SORCS3: variants seen among roughly 807,000 people sequenced by gnomAD.
SORCS3 encodes VPS10 domain-containing receptor SorCS3.
SORCS3 carries 57 observed loss-of-function variants against 146.3 expected under a neutral mutation model. The ratio of observed to expected loss-of-function variants is 0.39; its 90% CI spans 0.31 to 0.49. The LOEUF (loss-of-function observed/expected upper bound fraction) is 0.49. Among genes scored for constraint, SORCS3 ranks in the 20% least tolerant of loss-of-function variants. SORCS3 has a pLI of 0.92. For synonymous variants in SORCS3, 653 were observed against 618.5 expected, an observed-to-expected ratio of 1.06 and a Z score of -0.83; for missense variants, 1,341 against 1,575.5, an observed-to-expected ratio of 0.85 and a Z score of 2.52.
chr10:104,746,496 A>T (rs556451848), intron 1 of SORCS3, among the ~76,000 whole-genome samples: 1 of 152,376 alleles, frequency 6.6e-6, no homozygotes, highest in African/African-American at 2.4e-5. Context: ...CATCTCACAT[A>T]CTTACCATTT....
chr10:105,152,939 A>AT (rs3070108), intron 9 of SORCS3, among the ~76,000 whole-genome samples: 5,459 of 150,998 alleles, frequency 0.036, 312 homozygotes, highest in African/African-American at 0.12. Context: ...CTCACTATTA[A>AT]TTTTTTTTTG....
At chr10:104,940,224 ATATATATATATATATTTTTTTT>A (rs1271563433) in intron 3 of SORCS3, among the ~76,000 whole-genome samples, 4 of 25,874 alleles carry the variant, frequency 1.5e-4, no homozygotes, top group Non-Finnish European at 4.1e-4. Flanking sequence ...ATATATATAT[ATATATATATATATATTTTTTTT>A]TTTTTTTTTA....
intron 20 of SORCS3, among the ~76,000 whole-genome samples, chr10:105,243,119 T>G (rs537179913): frequency 2.8e-5 from 4 of 144,384 alleles, no homozygotes; most frequent in African/African-American, 1.0e-4. Context: ...AGATATCTCA[T>G]TTTCTTTTTA....
chr10:104,749,226 GGTGTGTGT>G (rs60550253), intron 1 of SORCS3, among the ~76,000 whole-genome samples: 2,265 of 140,986 alleles, frequency 0.016, 49 homozygotes, highest in African/African-American at 0.052. Context: ...CAAAGTATAG[GGTGTGTGT>G]GTGTGTGTGT....
chr10:105,007,763 G>T (rs2055106193), intron 4 of SORCS3, among the ~76,000 whole-genome samples: 1 of 152,074 alleles, frequency 6.6e-6, no homozygotes, highest in Non-Finnish European at 1.5e-5. Flanking sequence ...TGCTTACTAG[G>T]TACCAAGCAG....
rs769295198 is a variant in SORCS3, at chr10:105,199,980, T to G, written c.2010-19T>G. 6.3e-7 allele frequency: 1 copy of G among 1,592,862 alleles called. No homozygotes were observed. The highest frequency in any genetic ancestry group is 2.2e-5 in the East Asian group (1 of 44,728). On this transcript the variant is annotated intron_variant, in intron 14 of 26. Transcript: ENST00000369701. ...GACTTTCTCCCCTTGTGTCTCCCAC[T>G]CCTCCCCTAAACACTTAGAGTTTTT... is the stretch of plus-strand genomic sequence containing the variant.
intron 8 of SORCS3, among the ~76,000 whole-genome samples, chr10:105,144,364 G>C (rs703484): frequency 0.52 from 78,965 of 151,984 alleles, 20,815 homozygotes; most frequent in Middle Eastern, 0.56. Flanking sequence ...CTTGAGGGCA[G>C]GTTTTGCTTT....
At chr10:104,768,288 A>G (rs1468983803) in intron 1 of SORCS3, among the ~76,000 whole-genome samples, 3 of 152,246 alleles carry the variant, frequency 2.0e-5, no homozygotes, top group Admixed American at 6.5e-5. Flanking sequence ...AGAATCATTT[A>G]GAGCAGTCAC....
At chr10:105,209,341 C>T (rs2056621276) in intron 16 of SORCS3, among the ~76,000 whole-genome samples, 1 of 151,990 alleles carries the variant, frequency 6.6e-6, no homozygotes, top group African/African-American at 2.4e-5. Context: ...CGGGGTTTCA[C>T]CATGTTGGCC....
intron 5 of SORCS3, among the ~76,000 whole-genome samples, chr10:105,079,962 A>G (rs564067353): frequency 6.6e-6 from 1 of 152,224 alleles, no homozygotes; most frequent in East Asian, 1.9e-4. Flanking sequence ...TCTCCCATTG[A>G]TGGGCATTTA....
At chr10:105,197,407 A>C (rs1051248552) in intron 14 of SORCS3, among the ~76,000 whole-genome samples, 8 of 152,210 alleles carry the variant, frequency 5.3e-5, no homozygotes, top group African/African-American at 1.9e-4. Context: ...GCAGATTCAT[A>C]CTTCACCACC....
At chr10:104,927,159 T>C (rs1291823599) in intron 3 of SORCS3, among the ~76,000 whole-genome samples, 2 of 152,206 alleles carry the variant, frequency 1.3e-5, no homozygotes, top group African/African-American at 2.4e-5. Flanking sequence ...TTTCACAAAG[T>C]ATTATGAAAA....
chr10:105,176,452 C>T (rs1307025616), intron 13 of SORCS3, among the ~76,000 whole-genome samples: 1 of 152,078 alleles, frequency 6.6e-6, no homozygotes, highest in Admixed American at 6.5e-5. Context: ...ATTTGGGAGG[C>T]TGAGGCGGGA....
intron 2 of SORCS3, among the ~76,000 whole-genome samples, chr10:104,883,974 A>AT (rs2018655410): frequency 3.0e-5 from 3 of 100,494 alleles, no homozygotes; most frequent in South Asian, 2.6e-4. Context: ...CTGCTGTGGA[A>AT]TGAGGGGGGG....
chr10:104,725,544 C>CT (rs1002228139), intron 1 of SORCS3, among the ~76,000 whole-genome samples: 2 of 152,010 alleles, frequency 1.3e-5, no homozygotes, highest in African/African-American at 2.4e-5. Flanking sequence ...TTTCTGCTGC[C>CT]TTTTTTTTGG....
At chr10:104,712,077 T>A (rs1236798042) in intron 1 of SORCS3, among the ~76,000 whole-genome samples, 1 of 152,212 alleles carries the variant, frequency 6.6e-6, no homozygotes, top group Non-Finnish European at 1.5e-5. Context: ...CTCGTGATTC[T>A]TCCAGATAAT....
chr10:104,852,622 T>G (rs1430777639), intron 2 of SORCS3, among the ~76,000 whole-genome samples: 1 of 152,186 alleles, frequency 6.6e-6, no homozygotes, highest in African/African-American at 2.4e-5. Context: ...TGGCCATCTT[T>G]GCTTCTAAAA....
intron 7 of SORCS3, among the ~76,000 whole-genome samples, chr10:105,132,114 G>A (rs556396325): frequency 1.6e-4 from 25 of 152,194 alleles, no homozygotes; most frequent in Non-Finnish European, 2.4e-4. Context: ...AGATAAACTT[G>A]GGTTCAAATT....
intron 21 of SORCS3, among the ~76,000 whole-genome samples, chr10:105,245,886 C>T (rs1181832693): frequency 6.6e-6 from 1 of 152,156 alleles, no homozygotes; most frequent in Non-Finnish European, 1.5e-5. Context: ...ATGTCTGCCT[C>T]AGAACTTGTT....
Sources: gnomAD v4.1 joint callset for allele counts (sites outside exome capture counted in the v4.1 genomes callset) on GRCh38, gnomAD v4.1.1 for gene constraint, MANE v1.5 for transcripts, NCBI Gene and HGNC (gene_info 2026-07-23, HGNC 2026-07-21) for gene names.